Variants in SYPL2 observed in about 807,000 individuals in gnomAD.
The protein encoded by SYPL2 is synaptophysin like 2.
In SYPL2, 24 loss-of-function variants were observed where a neutral mutation model predicts 31.3. The observed-to-expected ratio is 0.77, with a 90% CI of 0.56 to 1.08. The LOEUF (loss-of-function observed/expected upper bound fraction) is 1.08, where lower values mean the gene tolerates loss of function less well. Among genes scored for constraint, SYPL2 ranks in the 50% least tolerant of loss-of-function variants. The pLI, the probability that SYPL2 is intolerant of heterozygous loss-of-function variation, is 0.00. For synonymous variants in SYPL2, 144 were observed against 143.1 expected (o/e 1.01, Z -0.05); for missense variants, 342 against 360.1 (o/e 0.95, Z 0.41).
At chr1:109,477,555 G>A (rs956357269) in intron 4 of SYPL2, among the ~76,000 whole-genome samples, 62 of 152,056 alleles carry the variant, frequency 4.1e-4, no homozygotes, top group Non-Finnish European at 1.6e-4. Flanking sequence ...TGGGTTTTGG[G>A]GTGAGGCTGA....
chr1:109,477,548 G>GT (rs1157388547), intron 4 of SYPL2, among the ~76,000 whole-genome samples: 1 of 152,118 alleles, frequency 6.6e-6, no homozygotes, highest in Non-Finnish European at 1.5e-5. Flanking sequence ...GGATGAGTGG[G>GT]TTTTGGGGTG....
At chr1:109,476,083 T>C (rs1655990236) in intron 3 of SYPL2, among the ~76,000 whole-genome samples, 1 of 152,166 alleles carries the variant, frequency 6.6e-6, no homozygotes. Flanking sequence ...GGGAAGCTTA[T>C]TAGTACTTAC....
intron 2 of SYPL2, among the ~76,000 whole-genome samples, chr1:109,474,291 ACCT>A (rs1655925578): frequency 7.1e-6 from 1 of 141,822 alleles, no homozygotes; most frequent in African/African-American, 2.6e-5. Flanking sequence ...TCAATTTCTC[ACCT>A]CCTTTTCTTT....
At chr1:109,467,030 T>G in intron 1 of SYPL2, 29 bp from the exon 2 acceptor site, 1 of 1,476,090 alleles carries the variant, frequency 6.8e-7, no homozygotes, top group Non-Finnish European at 9.0e-7. Flanking sequence ...CCCACCGCCC[T>G]GACCCCCCGG....
Position 109,476,851 on chromosome 1 carries a change from C to A in SYPL2, c.330C>A (p.Asp110Glu). ...SSSKTMHLMGDFSAPAEFFVT... is the reference protein window; with the variant it reads ...SSSKTMHLMGEFSAPAEFFVT... ...CCAAGACCATGCACCTCATGGGGGACTTCTCTGCACCCGCCGAGTTCTTCG... is the reference window on the plus strand; with the variant it reads ...CCAAGACCATGCACCTCATGGGGGAATTCTCTGCACCCGCCGAGTTCTTCG... The change falls in exon 4 of 6, where the codon GAC becomes GAA. Residue 110 changes from aspartate to glutamate, a missense_variant. Transcript: ENST00000369872. 2 of 1,614,212 alleles carry A rather than the reference C, an allele frequency of 1.2e-6. No individual in the cohort carries two copies. Among genetic ancestry groups the A allele is most frequent in the South Asian group, 2.2e-5 (2 of 91,088 alleles).
intron 4 of SYPL2, among the ~76,000 whole-genome samples, chr1:109,477,224 C>T (rs565422397): frequency 1.3e-5 from 2 of 152,038 alleles, no homozygotes; most frequent in African/African-American, 4.8e-5. Flanking sequence ...TGTGTGATCT[C>T]GGACAAGTTA....
At chr1:109,476,499 G>A (rs765468450) in intron 3 of SYPL2, among the ~76,000 whole-genome samples, 8 of 152,128 alleles carry the variant, frequency 5.3e-5, no homozygotes, top group Non-Finnish European at 8.8e-5. Context: ...GACCTAAAGG[G>A]CCCTGGAGAC....
In SYPL2 at chr1:109,480,359, A is replaced by T. The variant is rs1391765688; in HGVS notation, c.*811A>T. 6.6e-6 allele frequency: 1 copy of T among 152,136 alleles called. No individual in the cohort carries two copies. Among genetic ancestry groups the T allele is most frequent in the Non-Finnish European group, 1.5e-5 (1 of 68,056 alleles). The allele number at this position is 152,136 out of a possible 1,614,324, so 9.4% of individuals were successfully genotyped here. A position where few individuals can be genotyped will look rare whatever the true frequency, so the allele number is the denominator to read the frequency against. ...CTAAACTCTACTTTAGAAACGCCCT[A>T]TCTTCCTCCCTGTCCTCCTTCTTGG... On this transcript the variant is annotated 3_prime_UTR_variant, in exon 6 of 6. Transcript: ENST00000369872.
At chr1:109,479,048 G>A (rs993093090) in intron 5 of SYPL2, among the ~76,000 whole-genome samples, 20 of 152,200 alleles carry the variant, frequency 1.3e-4, no homozygotes, top group Admixed American at 1.1e-3. Context: ...GGCCTCACGC[G>A]TGCTGTGGGA....
intron 2 of SYPL2, chr1:109,475,380 T>C: frequency 1.6e-6 from 1 of 630,374 alleles, no homozygotes; most frequent in Non-Finnish European, 2.6e-6. Context: ...TTGTATTCAT[T>C]TGGCTATTTG....
At chr1:109,476,003 C>T (rs990657141) in intron 3 of SYPL2, among the ~76,000 whole-genome samples, 1 of 152,180 alleles carries the variant, frequency 6.6e-6, no homozygotes, top group Admixed American at 6.5e-5. Context: ...GGGATGGAGG[C>T]TTACAGGAAC....
intron 2 of SYPL2, among the ~76,000 whole-genome samples, chr1:109,473,225 A>G (rs964500983): frequency 6.6e-6 from 1 of 152,218 alleles, no homozygotes; most frequent in Admixed American, 6.5e-5. Flanking sequence ...ACCTCTGTGA[A>G]GAAGGCGGGC....
rs1571065077 is a variant in SYPL2 at position 109,476,928 on chromosome 1, A to C, written c.407A>C (p.Tyr136Ser). 1 of 1,614,132 alleles carries C rather than the reference A, an allele frequency of 6.2e-7. No individual in the cohort carries two copies. Among genetic ancestry groups the C allele is most frequent in the Non-Finnish European group, 8.5e-7 (1 of 1,180,034 alleles). ...TATACCATGGCTGCCCTAGTTATCTACCTGCGCTTCCACAACCTCTACACA... is the reference window on the plus strand; with the variant it reads ...TATACCATGGCTGCCCTAGTTATCTCCCTGCGCTTCCACAACCTCTACACA... The part of the protein sequence containing the change: ...FFYTMAALVI[Y>S]LRFHNLYTEN... The change falls in exon 4 of 6, where the codon TAC (tyrosine) becomes TCC (serine). Residue 136 changes from tyrosine to serine, a missense_variant. Physicochemically the swap from Tyr to Ser is moderately radical, Grantham distance 144 (BLOSUM62 -2). Transcript: ENST00000369872.
In SYPL2 at chr1:109,478,685, T is replaced by TC. The variant is rs1214916238; in HGVS notation, c.648+683dup. ...AACTTGCTGGAACCCTGCTTATGGT[T>TC]CCCCCCCAAAAAAATTTTATTGTAG... On this transcript the variant is annotated intron_variant, in intron 5 of 5. Transcript: ENST00000369872. The surrounding 1 kb of genome is among the most constrained non-coding windows in gnomAD (Gnocchi z 4.0). Among the ~76,000 whole-genome samples, 6 of 151,502 alleles carry TC rather than the reference T, an allele frequency of 4.0e-5. No individual in the cohort carries two copies. The highest frequency in any genetic ancestry group is 2.1e-4 in the South Asian group (1 of 4,792).
intron 2 of SYPL2, among the ~76,000 whole-genome samples, chr1:109,474,350 C>T (rs888611510): frequency 2.6e-5 from 3 of 117,602 alleles, no homozygotes; most frequent in South Asian, 2.6e-4. Context: ...TGGCGGTGGG[C>T]GGGAGAGGGA....
intron 2 of SYPL2, among the ~76,000 whole-genome samples, chr1:109,471,351 TGAAAA>T (rs1457128699): frequency 1.3e-5 from 2 of 152,234 alleles, no homozygotes; most frequent in African/African-American, 2.4e-5. Context: ...ATCCCTGACT[TGAAAA>T]GAATCAGAAT....
intron 2 of SYPL2, among the ~76,000 whole-genome samples, chr1:109,469,491 GTTT>G (rs201527122): frequency 2.7e-5 from 4 of 149,086 alleles, no homozygotes; most frequent in African/African-American, 9.9e-5. Context: ...TGGAGAACTA[GTTT>G]TTTTTTAAAA....
chr1:109,474,320 TTTC>T (rs1296192124), intron 2 of SYPL2, among the ~76,000 whole-genome samples: 895 of 86,420 alleles, frequency 0.01, 8 homozygotes, highest in African/African-American at 0.014. Flanking sequence ...TTTCTTTTCT[TTTC>T]TTTTTTTTTT....
intron 2 of SYPL2, 185 bp from the exon 3 acceptor site, chr1:109,475,396 G>A: frequency 2.6e-6 from 2 of 778,272 alleles, no homozygotes; most frequent in Non-Finnish European, 3.9e-6. Context: ...ATTTGGTCCA[G>A]CAGCCTGAGG....
Sources: gnomAD v4.1 joint callset for allele counts (sites outside exome capture counted in the v4.1 genomes callset) on GRCh38, gnomAD v4.1.1 for gene constraint, Gnocchi (gnomAD v3.1) non-coding constraint, MANE v1.5 for transcripts, NCBI Gene and HGNC (gene_info 2026-07-23, HGNC 2026-07-21) for gene names.